The following ZNF540 variants were observed in gnomAD, a reference collection of about 807,000 sequenced individuals.
The protein encoded by ZNF540 is CTD-3064H18.6.
Under a neutral mutation model 11.8 loss-of-function variants are expected in ZNF540, and 3 were observed. The observed-to-expected ratio is 0.25, with a 90% CI of 0.12 to 0.65. The LOEUF is 0.65. ZNF540 is among the 30% of genes least tolerant of loss of function. ZNF540 has a pLI of 0.83. For synonymous variants in ZNF540, 247 were observed against 259.0 expected (o/e 0.95, Z 0.45); for missense variants, 709 against 793.1 (o/e 0.89, Z 1.27).
rs57590004 is a variant in ZNF540 at position 37,561,074 on chromosome 19, A to AAAAAAG, written c.-73+9409_-73+9410insAAAAAG. Among the ~76,000 whole-genome samples the AAAAAAG allele has an allele frequency of 1.1e-3, 145 of 135,798 alleles. 2 individuals are homozygous for AAAAAAG. The highest frequency in any genetic ancestry group is 4.0e-3 in the African/African-American group (138 of 34,282). The allele number at this position is 135,798 out of a possible 152,430, so 89.1% of individuals were successfully genotyped here. A position where few individuals can be genotyped will look rare whatever the true frequency, so the allele number is the denominator to read the frequency against. On this transcript the variant is annotated intron_variant, in intron 1 of 4. Transcript: ENST00000592533. ...AAAAAAAAAAAAAAAAAAAAAAAAA[A>AAAAAAG]GAAAGAAAAAATTTAAATTATCCAG...
At chr19:37,581,466 CT>C (rs1226046583) in intron 1 of ZNF540, among the ~76,000 whole-genome samples, 247 of 138,650 alleles carry the variant, frequency 1.8e-3, no homozygotes, top group Middle Eastern at 3.7e-3. Context: ...TTCTTTCTTT[CT>C]TTTTTTTTTT....
intron 1 of ZNF540, 82 bp from the exon 2 acceptor site, chr19:37,598,294 A>G (rs918594383): frequency 2.8e-6 from 2 of 714,912 alleles, no homozygotes; most frequent in Non-Finnish European, 4.8e-6. Flanking sequence ...AGTGGAAAAT[A>G]AAAGATTATT....
chr19:37,591,484 A>T (rs12162238), upstream of ZNF540, among the ~76,000 whole-genome samples: 26,136 of 152,202 alleles, frequency 0.17, 2,505 homozygotes, highest in Middle Eastern at 0.3. Flanking sequence ...GCACCAACTC[A>T]TTTCTCTGAA....
intron 4 of ZNF540, among the ~76,000 whole-genome samples, chr19:37,606,125 T>C (rs2044083755): frequency 6.6e-6 from 1 of 152,194 alleles, no homozygotes; most frequent in Non-Finnish European, 1.5e-5. Flanking sequence ...TACCTTCCAT[T>C]TTTGTTGATT....
chr19:37,562,029 C>G (rs187393593), intron 1 of ZNF540, among the ~76,000 whole-genome samples: 1 of 152,088 alleles, frequency 6.6e-6, no homozygotes, highest in Non-Finnish European at 1.5e-5. Context: ...TATAATCATA[C>G]ACTATATACA....
chr19:37,564,829 T>C, intron 1 of ZNF540: 3 of 1,613,996 alleles, frequency 1.9e-6, no homozygotes, highest in Non-Finnish European at 2.5e-6. Flanking sequence ...TCCCACACTG[T>C]TTACATTCAT....
At chr19:37,566,094 T>A (rs1321254561) in intron 1 of ZNF540, 10 of 1,613,952 alleles carry the variant, frequency 6.2e-6, no homozygotes, top group African/African-American at 1.3e-5. Context: ...TCACAGGTAA[T>A]TTTGACACAC....
At chr19:37,559,604 A>G (rs1231301471) in intron 1 of ZNF540, among the ~76,000 whole-genome samples, 1 of 152,228 alleles carries the variant, frequency 6.6e-6, no homozygotes, top group Non-Finnish European at 1.5e-5. Context: ...ATCTGGACTC[A>G]AACCAACTAT....
rs1047393399 is a variant in ZNF540, at chr19:37,589,171, G to T, written c.-72-9205G>T. ...GCCGAGATCATGCCACTGCACTTCA[G>T]CCTGGGCGACAAGAGCCAAACTCCG... On this transcript the variant is annotated intron_variant, in intron 1 of 4. Coordinates refer to the ZNF540 transcript ENST00000592533. Among the ~76,000 whole-genome samples, 7 of 135,220 alleles carry T rather than the reference G, an allele frequency of 5.2e-5. No homozygotes were observed. In the South Asian group the frequency reaches 1.6e-3, roughly 32 times the overall value. 88.7% of individuals were successfully genotyped at this position (135,220 alleles called of 152,430 possible).
intron 1 of ZNF540, chr19:37,556,118 T>G: frequency 1.4e-6 from 1 of 702,760 alleles, no homozygotes; most frequent in Non-Finnish European, 2.6e-6. Flanking sequence ...TTCCTGCTTT[T>G]GGGACCGGCA....
rs548597202 is a variant in ZNF540 at position 37,602,857 on chromosome 19, GA to G, written c.232+1758del. ...ACAAGGTTTCAGTGGAGTCAGAGGT[GA>G]AAAAAGCCTGCTAGATGTGGCTGAA... is the stretch of plus-strand genomic sequence containing the variant. On this transcript the variant is annotated intron_variant, in intron 4 of 4. Coordinates refer to ENST00000316433, the MANE Select transcript of ZNF540 (RefSeq NM_001172225.3). Among the ~76,000 whole-genome samples the G allele has an allele frequency of 3.0e-4, 46 of 152,244 alleles. No individual in the cohort carries two copies. In the South Asian group the frequency reaches 9.1e-3, roughly 30 times the overall value.
intron 4 of ZNF540, 123 bp downstream of exon 4, chr19:37,601,228 G>A (rs1175131683): frequency 2.8e-6 from 2 of 717,170 alleles, no homozygotes; most frequent in African/African-American, 1.8e-5. Context: ...TCAGGCCTTT[G>A]GAGTAAAGGT....
At chr19:37,552,937 A>G (rs1352914055) in intron 1 of ZNF540, among the ~76,000 whole-genome samples, 1 of 150,996 alleles carries the variant, frequency 6.6e-6, no homozygotes, top group Non-Finnish European at 1.5e-5. Flanking sequence ...ACGGGGTGAG[A>G]CTCTGTCTCG....
chr19:37,603,499 A>G (rs2044056871), intron 4 of ZNF540, among the ~76,000 whole-genome samples: 1 of 152,156 alleles, frequency 6.6e-6, no homozygotes, highest in Admixed American at 6.5e-5. Context: ...TTTCTTTTCA[A>G]TGCTTCATTT....
chr19:37,612,902 A>G lies in ZNF540; in HGVS notation c.1622A>G (p.His541Arg). ...AFIRRGNLKE[H>R]LKIHSGLKPY... is the part of the protein sequence containing the mutation. ...ATTCGTAGAGGGAATCTTAAAGAACATCTGAAAATTCATTCTGGTTTAAAA... is the reference window on the plus strand; with the variant it reads ...ATTCGTAGAGGGAATCTTAAAGAACGTCTGAAAATTCATTCTGGTTTAAAA... The change falls in exon 5 of 5, where the codon CAT (histidine) becomes CGT (arginine). Residue 541 changes from histidine to arginine, a missense_variant. Physicochemically the swap from His to Arg is conservative, Grantham distance 29. Coordinates refer to ENST00000316433, the MANE Select transcript of ZNF540 (RefSeq NM_001172225.3). The G allele has an allele frequency of 6.2e-7, 1 of 1,614,164 alleles. No individual in the cohort carries two copies. The highest frequency in any genetic ancestry group is 8.5e-7 in the Non-Finnish European group (1 of 1,180,010).
intron 1 of ZNF540, chr19:37,555,653 G>A (rs2042651335): frequency 1.9e-6 from 1 of 515,062 alleles, no homozygotes; most frequent in South Asian, 2.6e-5. Context: ...TTTGTTAGGG[G>A]GTTTCTGGAA....
At chr19:37,607,555 G>T (rs1004407717) in intron 4 of ZNF540, among the ~76,000 whole-genome samples, 1 of 152,116 alleles carries the variant, frequency 6.6e-6, no homozygotes, top group African/African-American at 2.4e-5. Flanking sequence ...CTATCATGTA[G>T]TTGGAATCAT....
intron 1 of ZNF540, chr19:37,565,568 G>A (rs2042825194): frequency 6.2e-7 from 1 of 1,613,482 alleles, no homozygotes; most frequent in Non-Finnish European, 8.5e-7. Context: ...AAGAATAAAG[G>A]CCTTCCCACA....
At chr19:37,605,970 C>T (rs188195620) in intron 4 of ZNF540, among the ~76,000 whole-genome samples, 2 of 152,280 alleles carry the variant, frequency 1.3e-5, no homozygotes, top group Non-Finnish European at 2.9e-5. Context: ...TGTAAGTGCA[C>T]ACTTGGTGAC....
Sources: allele counts gnomAD v4.1 joint callset (sites outside exome capture counted in the v4.1 genomes callset), GRCh38; gene constraint gnomAD v4.1.1; transcripts MANE v1.5; gene names NCBI Gene and HGNC (gene_info 2026-07-23, HGNC 2026-07-21).